The following ABCA13 variants were observed in gnomAD, a reference collection of about 807,000 sequenced individuals.
ABCA13 encodes the protein ATP binding cassette subfamily A member 13, also known as ATP-binding cassette sub-family A member 13.
ABCA13 carries 476 observed loss-of-function variants against 478.7 expected under a neutral mutation model. The ratio of observed to expected loss-of-function variants is 0.99; its 90% CI spans 0.92 to 1.07. The LOEUF (loss-of-function observed/expected upper bound fraction) is 1.07. Ranked by LOEUF, ABCA13 falls within the 50% of genes least tolerant of loss-of-function variation. ABCA13 has a pLI of 0.00. For missense variants in ABCA13, 6,060 were observed against 5,910.6 expected (o/e 1.03, Z -0.83); for synonymous variants, 2,252 against 2,158.9 (o/e 1.04, Z -1.20).
chr7:48,616,788 A>G (rs761437210), intron 59 of ABCA13, among the ~76,000 whole-genome samples: 1 of 152,198 alleles, frequency 6.6e-6, no homozygotes, highest in Non-Finnish European at 1.5e-5. Context: ...TGGGAGGATG[A>G]AGTGGGAGGA....
At chr7:48,491,677 A>G (rs1003642829) in intron 48 of ABCA13, among the ~76,000 whole-genome samples, 4 of 152,222 alleles carry the variant, frequency 2.6e-5, no homozygotes, top group Non-Finnish European at 5.9e-5. Flanking sequence ...GGGAATATAC[A>G]ATACATAGCA....
chr7:48,431,303 C>G (rs1329757823), intron 42 of ABCA13, among the ~76,000 whole-genome samples: 2 of 151,876 alleles, frequency 1.3e-5, no homozygotes, highest in African/African-American at 4.8e-5. Flanking sequence ...GATCATGCCA[C>G]TGCACTCCAG....
At chr7:48,339,084 C>A (rs987046455) in intron 29 of ABCA13, among the ~76,000 whole-genome samples, 14 of 152,158 alleles carry the variant, frequency 9.2e-5, no homozygotes, top group Non-Finnish European at 1.3e-4. Flanking sequence ...GGAGCCTAAC[C>A]CAGTTGGTGG....
rs780584737 is a variant in ABCA13 at position 48,372,412 on chromosome 7, G to A, written c.11048G>A (p.Ser3683Asn). The change falls in exon 33 of 62, where the codon AGC becomes AAC. Residue 3683 changes from serine to asparagine, a missense_variant. Physicochemically the swap from Ser to Asn is conservative, Grantham distance 46. Coordinates refer to ENST00000435803, the MANE Select transcript of ABCA13 (RefSeq NM_152701.5). ...SQANTAALCTSLVYMISFLPY... is the reference protein window; with the variant it reads ...SQANTAALCTNLVYMISFLPY... ...GCTAATACAGCGGCCCTTTGTACCAGCCTGGTGTACATGATCAGCTTTCTG... is the reference window on the plus strand; with the variant it reads ...GCTAATACAGCGGCCCTTTGTACCAACCTGGTGTACATGATCAGCTTTCTG... The A allele has an allele frequency of 1.9e-6, 3 of 1,613,378 alleles. No homozygotes were observed. Among genetic ancestry groups the A allele is most frequent in the East Asian group, 2.2e-5 (1 of 44,888 alleles).
chr7:48,549,353 T>C (rs1785105813), intron 55 of ABCA13, among the ~76,000 whole-genome samples: 1 of 151,872 alleles, frequency 6.6e-6, no homozygotes, highest in Admixed American at 6.6e-5. Flanking sequence ...CTGAGGATGA[T>C]GGCTTCCAGC....
intron 3 of ABCA13, among the ~76,000 whole-genome samples, chr7:48,215,780 T>C (rs1480480537): frequency 6.6e-6 from 1 of 152,180 alleles, no homozygotes; most frequent in Non-Finnish European, 1.5e-5. Flanking sequence ...CGCCTAACCC[T>C]GGGCATACAA....
In ABCA13 at chr7:48,275,248, A is replaced by G. The variant is rs757047382; in HGVS notation, c.5582A>G (p.His1861Arg). Residue 1861 changes from histidine (H) to arginine (R), a missense_variant, in exon 17 of 62, where the codon CAT (histidine) becomes CGT (arginine). Transcript: ENST00000435803. Reference protein sequence around the residue: ...FYGKVASILDHFHLSPQGEDS... With the variant: ...FYGKVASILDRFHLSPQGEDS... The stretch of plus-strand genomic sequence containing the variant: ...GGCAAAGTGGCCAGTATACTTGATC[A>G]TTTCCACCTGTCTCCCCAAGGTGAA... 8 of 1,613,768 alleles carry G rather than the reference A, an allele frequency of 5.0e-6. No homozygotes were observed. In the African/African-American group the frequency reaches 1.1e-4, roughly 22 times the overall value.
intron 5 of ABCA13, among the ~76,000 whole-genome samples, chr7:48,225,119 G>GCCTGCCTA (rs1374203912): frequency 0.01 from 996 of 99,540 alleles, 5 homozygotes; most frequent in East Asian, 0.029. Context: ...GTGCCTGCCT[G>GCCTGCCTA]CCTGCCTGCC....
intron 59 of ABCA13, among the ~76,000 whole-genome samples, chr7:48,616,857 C>G (rs1229525819): frequency 1.3e-5 from 2 of 152,044 alleles, no homozygotes; most frequent in East Asian, 3.9e-4. Flanking sequence ...CTCATTCCTA[C>G]AAAACATTTT....
chr7:48,506,369 C>G lies in ABCA13; in HGVS notation c.13325C>G (p.Ala4442Gly), dbSNP rs373072464. The change falls in exon 49 of 62, where the codon GCC (alanine) becomes GGC (glycine). Residue 4442 changes from alanine to glycine, a missense_variant. By Grantham distance (60) the Ala-to-Gly change is moderately conservative. Around this residue, in one of 3 missense-constraint regions of ABCA13, gnomAD observed 1,627 missense variants for 1,571.0 expected, o/e 1.04. Coordinates refer to ENST00000435803, the MANE Select transcript of ABCA13 (RefSeq NM_152701.5). ...ITLYSHPYGGALLNEDKILES... is the reference protein window; with the variant it reads ...ITLYSHPYGGGLLNEDKILES... ...CTCTACAGCCACCCATATGGAGGGG[C>G]CTTGCTGAACGAGGACAAGATGTGA... 108 of 1,613,600 alleles carry G rather than the reference C, an allele frequency of 6.7e-5. No homozygotes were observed. Among genetic ancestry groups the G allele is most frequent in the Non-Finnish European group, 8.3e-5 (98 of 1,179,742 alleles).
At chr7:48,425,832 C>T (rs1203632971) in intron 41 of ABCA13, among the ~76,000 whole-genome samples, 3 of 152,092 alleles carry the variant, frequency 2.0e-5, no homozygotes, top group African/African-American at 4.8e-5. Flanking sequence ...GCTCCGCCCC[C>T]TGGGGTTCAC....
intron 31 of ABCA13, among the ~76,000 whole-genome samples, chr7:48,363,193 G>A (rs1011605707): frequency 6.6e-6 from 1 of 152,048 alleles, no homozygotes; most frequent in Admixed American, 6.6e-5. Flanking sequence ...TCCTACATAC[G>A]TAAAACTCTT....
intron 42 of ABCA13, among the ~76,000 whole-genome samples, chr7:48,435,246 T>C (rs1585309099): frequency 6.6e-6 from 1 of 151,852 alleles, no homozygotes; most frequent in Non-Finnish European, 1.5e-5. Context: ...TTCTTTAGTA[T>C]TTTATTCTCT....
intron 23 of ABCA13, among the ~76,000 whole-genome samples, chr7:48,301,343 C>T (rs947192639): frequency 4.6e-5 from 7 of 152,094 alleles, no homozygotes; most frequent in Admixed American, 1.3e-4. Flanking sequence ...CTGTCGGTTG[C>T]GACATTAACA....
chr7:48,243,881 G>A (rs749318466), intron 10 of ABCA13, among the ~76,000 whole-genome samples: 1 of 152,254 alleles, frequency 6.6e-6, no homozygotes, highest in Non-Finnish European at 1.5e-5. Flanking sequence ...ATTCCATGCA[G>A]TTGCTCAAAG....
intron 24 of ABCA13, among the ~76,000 whole-genome samples, chr7:48,312,634 T>C (rs923786971): frequency 6.6e-6 from 1 of 152,218 alleles, no homozygotes; most frequent in Non-Finnish European, 1.5e-5. Flanking sequence ...ACGAACAGTA[T>C]AATGCACATC....
intron 59 of ABCA13, among the ~76,000 whole-genome samples, chr7:48,620,758 TAA>T (rs924228002): frequency 6.6e-6 from 1 of 152,102 alleles, no homozygotes; most frequent in African/African-American, 2.4e-5. Context: ...GCTCAGTGGC[TAA>T]GAGGAGGCAG....
intron 3 of ABCA13, among the ~76,000 whole-genome samples, chr7:48,207,805 T>C (rs1433633223): frequency 1.3e-5 from 2 of 152,132 alleles, no homozygotes; most frequent in African/African-American, 4.8e-5. Context: ...CTTTTGAGCT[T>C]GATGTGATCC....
At chr7:48,451,107 C>T (rs954709285) in intron 42 of ABCA13, among the ~76,000 whole-genome samples, 2 of 151,226 alleles carry the variant, frequency 1.3e-5, no homozygotes. Flanking sequence ...AAGTGATTCT[C>T]CTGCCTCAGC....
Sources: allele counts gnomAD v4.1 joint callset (sites outside exome capture counted in the v4.1 genomes callset), GRCh38; gene constraint gnomAD v4.1.1; regional missense constraint gnomAD v4.1.1; transcripts MANE v1.5; gene names NCBI Gene and HGNC (gene_info 2026-07-23, HGNC 2026-07-21).